Variants in ABLIM1 observed in about 807,000 individuals in gnomAD.
ABLIM1 encodes the protein actin-binding LIM protein 1.
In ABLIM1, 40 loss-of-function variants were observed where a neutral mutation model predicts 107.0. The observed-to-expected ratio is 0.37, with a 90% CI of 0.29 to 0.49. The LOEUF (loss-of-function observed/expected upper bound fraction) is 0.49. Among genes scored for constraint, ABLIM1 ranks in the 20% least tolerant of loss-of-function variants. ABLIM1 has a pLI of 0.97. For synonymous variants in ABLIM1, 357 were observed against 357.3 expected, an observed-to-expected ratio of 1.00 and a Z score of 0.01; for missense variants, 857 against 1,008.5, an observed-to-expected ratio of 0.85 and a Z score of 2.04.
intron 1 of ABLIM1, among the ~76,000 whole-genome samples, chr10:114,639,434 C>G (rs1566157627): frequency 6.6e-6 from 1 of 152,208 alleles, no homozygotes; most frequent in Non-Finnish European, 1.5e-5. Context: ...TGCCGCCTAC[C>G]CAGTGGTTAT....
chr10:114,449,356 T>A (rs531163788), intron 14 of ABLIM1, among the ~76,000 whole-genome samples: 57 of 152,350 alleles, frequency 3.7e-4, no homozygotes, highest in Admixed American at 1.4e-3. Context: ...ACCTTTTGAA[T>A]CTTCAGCTCT....
rs142847852 is a variant in ABLIM1, at chr10:114,764,387, T to G, written c.-213+3674A>C. 7.7e-3 allele frequency among the ~76,000 whole-genome samples: 1,170 copies of G among 152,362 alleles called. 12 individuals are homozygous for G. Among genetic ancestry groups the G allele is most frequent in the African/African-American group, 0.027 (1,125 of 41,592 alleles). On this transcript the variant is annotated intron_variant, in intron 1 of 15. Transcript: ENST00000651092. ...AATTGATTTATTTGTTTGTTTGTTTTTTTGAGATAGAGTCTCAGTCTGTCA... is the reference window on the plus strand; with the variant it reads ...AATTGATTTATTTGTTTGTTTGTTTGTTTGAGATAGAGTCTCAGTCTGTCA...
At chr10:114,564,697 T>C (rs1387577382) in intron 4 of ABLIM1, among the ~76,000 whole-genome samples, 5 of 152,206 alleles carry the variant, frequency 3.3e-5, no homozygotes, top group Non-Finnish European at 7.3e-5. Flanking sequence ...GCGCTGAGTT[T>C]CTGAGATATC....
At chr10:114,703,691 C>T (rs2081350117) in intron 1 of ABLIM1, among the ~76,000 whole-genome samples, 1 of 152,226 alleles carries the variant, frequency 6.6e-6, no homozygotes, top group Admixed American at 6.5e-5. Flanking sequence ...CTGTGCTCCA[C>T]ACATTACATG....
At chr10:114,723,658 A>C (rs1320308450) in intron 1 of ABLIM1, among the ~76,000 whole-genome samples, 1 of 152,250 alleles carries the variant, frequency 6.6e-6, no homozygotes, top group Non-Finnish European at 1.5e-5. Flanking sequence ...CCCGCCTGAC[A>C]TGCCTACATA....
chr10:114,439,080 C>A, intron 21 of ABLIM1, 96 bp downstream of exon 21: 1 of 1,458,644 alleles, frequency 6.9e-7, no homozygotes. Flanking sequence ...AACACACCAG[C>A]CTACAACACT....
chr10:114,799,170 T>C, the ABLIM1 span, among the ~76,000 whole-genome samples: 1 of 152,200 alleles, frequency 6.6e-6, no homozygotes, highest in Admixed American at 6.5e-5. Flanking sequence ...TCAGAAAACA[T>C]AGTGCAGGTC....
At chr10:114,461,089 G>A (rs1291717148) in intron 12 of ABLIM1, among the ~76,000 whole-genome samples, 1 of 150,930 alleles carries the variant, frequency 6.6e-6, no homozygotes, top group Non-Finnish European at 1.5e-5. Flanking sequence ...TTTGAGACAG[G>A]GTTTTGCTCT....
chr10:114,461,510 A>T (rs912537917), intron 12 of ABLIM1, among the ~76,000 whole-genome samples: 1 of 152,032 alleles, frequency 6.6e-6, no homozygotes. Context: ...AATACTAATT[A>T]GCACTTATAA....
intron 6 of ABLIM1, among the ~76,000 whole-genome samples, chr10:114,502,551 C>T (rs1380325869): frequency 1.3e-5 from 2 of 151,880 alleles, no homozygotes; most frequent in Non-Finnish European, 2.9e-5. Flanking sequence ...GGTTGGAGTG[C>T]AGTGGTGCGA....
intron 1 of ABLIM1, among the ~76,000 whole-genome samples, chr10:114,730,169 A>G (rs987598235): frequency 6.6e-6 from 1 of 152,194 alleles, no homozygotes; most frequent in East Asian, 1.9e-4. Context: ...AGGCCAAAGC[A>G]GGTGGATCCC....
rs560300217 is a variant in ABLIM1 at position 114,644,738 on chromosome 10, G to T, written c.244+13219C>A. On this transcript the variant is annotated intron_variant, in intron 1 of 22. Transcript: ENST00000533213. The stretch of plus-strand genomic sequence containing the variant: ...TTACTCCTAAGAATCTGAAGTTAGA[G>T]AAACATATAAAAGTCCCAGTCAGTG... 2.6e-5 allele frequency among the ~76,000 whole-genome samples: 4 copies of T among 152,294 alleles called. No homozygotes were observed. The South Asian group carries it at 8.3e-4, about 32-fold the overall frequency.
At chr10:114,726,917 G>C (rs1349574003) in intron 1 of ABLIM1, among the ~76,000 whole-genome samples, 1 of 152,144 alleles carries the variant, frequency 6.6e-6, no homozygotes, top group Non-Finnish European at 1.5e-5. Flanking sequence ...CTGACATTTG[G>C]GTAGGGACAT....
intron 1 of ABLIM1, among the ~76,000 whole-genome samples, chr10:114,701,335 C>A (rs1046530211): frequency 6.6e-6 from 1 of 152,068 alleles, no homozygotes; most frequent in African/African-American, 2.4e-5. Context: ...ATGGTTACAA[C>A]AGTTTTTGAA....
intron 1 of ABLIM1, among the ~76,000 whole-genome samples, chr10:114,677,836 T>C (rs1485771603): frequency 1.3e-5 from 2 of 152,324 alleles, no homozygotes; most frequent in African/African-American, 4.8e-5. Context: ...CTGACTGTAA[T>C]TGAGTAAACT....
chr10:114,504,282 C>G (rs556225952), intron 6 of ABLIM1, among the ~76,000 whole-genome samples: 1 of 152,076 alleles, frequency 6.6e-6, no homozygotes, highest in African/African-American at 2.4e-5. Flanking sequence ...ACTTGGTGGG[C>G]GCCTGTTATT....
intron 1 of ABLIM1, among the ~76,000 whole-genome samples, chr10:114,656,742 A>G (rs1360759789): frequency 6.6e-6 from 1 of 152,260 alleles, no homozygotes; most frequent in Admixed American, 6.5e-5. Flanking sequence ...GTATTTGGCC[A>G]TAACAAGGAA....
intron 1 of ABLIM1, among the ~76,000 whole-genome samples, chr10:114,652,551 C>T (rs61867933): frequency 0.018 from 2,675 of 152,260 alleles, 30 homozygotes; most frequent in Middle Eastern, 0.058. Context: ...ACATGAACCA[C>T]CTTTCTCTCT....
rs541025663 is a variant in ABLIM1 at position 114,516,062 on chromosome 10, T to A, written c.895-24184A>T. ...TTTCTGTCCCTTGCGACCAAAGCCA[T>A]TGTCTAAGGGAGTGAGGTGAGCAGG... On this transcript the variant is annotated intron_variant, in intron 6 of 22. Transcript: ENST00000533213. Among the ~76,000 whole-genome samples, 367 of 147,068 alleles carry A rather than the reference T, an allele frequency of 2.5e-3. 3 individuals are homozygous for A. The highest frequency in any genetic ancestry group is 8.5e-3 in the African/African-American group (352 of 41,292).
Sources: allele counts gnomAD v4.1 joint callset (sites outside exome capture counted in the v4.1 genomes callset), GRCh38; gene constraint gnomAD v4.1.1; transcripts MANE v1.5; gene names NCBI Gene and HGNC (gene_info 2026-07-23, HGNC 2026-07-21).